Variants in TMEM114 observed in about 807,000 individuals in gnomAD.
The protein encoded by TMEM114 is transmembrane protein 114.
Under a neutral mutation model 6.2 loss-of-function variants are expected in TMEM114, and 6 were observed. The ratio of observed to expected loss-of-function variants is 0.97; its 90% CI spans 0.53 to 1.91. The LOEUF is 1.91. Ranked by LOEUF, TMEM114 falls within the 40% of genes most tolerant of loss-of-function variation. The probability of loss-of-function intolerance (pLI) is 0.01; values close to 1 mark genes in which losing one functional copy is unlikely to be tolerated. For synonymous variants in TMEM114, 104 were observed against 73.0 expected (o/e 1.42, Z -2.16); for missense variants, 218 against 158.3 (o/e 1.38, Z -2.02).
At chr16:8,537,322 G>A (rs925696011), downstream of TMEM114, among the ~76,000 whole-genome samples, 3 of 152,070 alleles carry the variant, frequency 2.0e-5, no homozygotes, top group South Asian at 2.1e-4. Flanking sequence ...CCAACATCAT[G>A]AAACCCCGTC....
intron 2 of TMEM114, among the ~76,000 whole-genome samples, chr16:8,561,430 A>G (rs1050651097): frequency 6.6e-6 from 1 of 152,196 alleles, no homozygotes; most frequent in Admixed American, 6.5e-5. Context: ...AGCCATGTTT[A>G]CTGTCTGTCA....
intron 2 of TMEM114, among the ~76,000 whole-genome samples, chr16:8,586,432 G>T (rs1220415138): frequency 2.0e-5 from 3 of 152,122 alleles, no homozygotes; most frequent in Non-Finnish European, 4.4e-5. Flanking sequence ...GATCACAGAA[G>T]GCCTCTGTTT....
intron 2 of TMEM114, among the ~76,000 whole-genome samples, chr16:8,555,970 G>C (rs1175059176): frequency 6.6e-6 from 1 of 152,210 alleles, no homozygotes; most frequent in African/African-American, 2.4e-5. Context: ...CACAGTGTCT[G>C]AAGCGCTGTC....
chr16:8,583,219 G>A (rs1902212659), intron 2 of TMEM114, among the ~76,000 whole-genome samples: 1 of 152,206 alleles, frequency 6.6e-6, no homozygotes, highest in Non-Finnish European at 1.5e-5. Flanking sequence ...CCAGTACTGG[G>A]GATGAAATCA....
chr16:8,586,292 C>T (rs1267431317), intron 2 of TMEM114, among the ~76,000 whole-genome samples: 1 of 152,176 alleles, frequency 6.6e-6, no homozygotes, highest in Non-Finnish European at 1.5e-5. Flanking sequence ...TGGTCCTAGG[C>T]AAGGTCCGTT....
intron 2 of TMEM114, among the ~76,000 whole-genome samples, chr16:8,541,326 A>G (rs1400903262): frequency 1.3e-5 from 2 of 152,192 alleles, no homozygotes; most frequent in Admixed American, 6.5e-5. Context: ...TGTCATACAA[A>G]TGAGGACAGT....
intron 2 of TMEM114, among the ~76,000 whole-genome samples, chr16:8,541,587 A>G: frequency 6.6e-6 from 1 of 152,184 alleles, no homozygotes; most frequent in South Asian, 2.1e-4. Flanking sequence ...CCAGTCCCAC[A>G]TCTTCAATAT....
intron 3 of TMEM114, among the ~76,000 whole-genome samples, chr16:8,570,818 A>C (rs1901710384): frequency 6.6e-6 from 1 of 152,076 alleles, no homozygotes; most frequent in African/African-American, 2.4e-5. Context: ...TGGCTATTTA[A>C]ATTTAAGTTA....
At chr16:8,548,416 T>C (rs1291180233) in intron 2 of TMEM114, among the ~76,000 whole-genome samples, 1 of 152,232 alleles carries the variant, frequency 6.6e-6, no homozygotes, top group African/African-American at 2.4e-5. Context: ...ATACTAGCCA[T>C]GTACAGCATG....
rs1417955610 is a variant in TMEM114, at chr16:8,561,941, T to C, written n.213-24115A>G. Among the ~76,000 whole-genome samples the C allele has an allele frequency of 6.6e-5, 10 of 151,746 alleles. No homozygotes were observed. In the East Asian group the frequency reaches 1.4e-3, roughly 21 times the overall value. ...GTAAGTGAATGAGTGAGTGAGTAAG[T>C]GAATGAGTGAATGAGGGAGGGAGGG... On this transcript the variant is annotated intron_variant and non_coding_transcript_variant, in intron 2 of 2. Coordinates refer to the TMEM114 transcript ENST00000623677.
At chr16:8,541,100 A>T (rs1458666202) in intron 2 of TMEM114, among the ~76,000 whole-genome samples, 2 of 152,234 alleles carry the variant, frequency 1.3e-5, no homozygotes, top group African/African-American at 4.8e-5. Context: ...GACCACAAAT[A>T]GAGTGGCAGC....
chr16:8,560,636 A>G (rs920783136), intron 2 of TMEM114, among the ~76,000 whole-genome samples: 1 of 152,096 alleles, frequency 6.6e-6, no homozygotes, highest in Non-Finnish European at 1.5e-5. Flanking sequence ...GGTTTCTCTC[A>G]CTATCAGCCT....
chr16:8,564,519 G>C (rs1176392786), downstream of TMEM114, among the ~76,000 whole-genome samples: 1 of 131,944 alleles, frequency 7.6e-6, no homozygotes, highest in East Asian at 2.3e-4. Flanking sequence ...ATGAGTGAGT[G>C]ACGGAGGGAG....
At chr16:8,528,785 G>C in the TMEM114 span, among the ~76,000 whole-genome samples, 1 of 152,208 alleles carries the variant, frequency 6.6e-6, no homozygotes, top group African/African-American at 2.4e-5. Context: ...TGAGCTCTTT[G>C]CCTTCTGGCC....
In TMEM114 at chr16:8,563,691, G is replaced by A. The variant is rs557825583; in HGVS notation, n.212+25522C>T. On this transcript the variant is annotated intron_variant and non_coding_transcript_variant, in intron 2 of 2. Transcript: ENST00000623677. ...TAAGTAAGTGAATGAGTAAGTGAAT[G>A]AGTGAGTTAGTGAATGAGTGAGTGA... 2.4e-3 allele frequency among the ~76,000 whole-genome samples: 357 copies of A among 150,876 alleles called. 17 individuals are homozygous for A. The highest frequency in any genetic ancestry group is 8.7e-3 in the African/African-American group (349 of 40,190).
chr16:8,547,897 T>C (rs910877196), intron 2 of TMEM114, among the ~76,000 whole-genome samples: 1 of 152,134 alleles, frequency 6.6e-6, no homozygotes, highest in Non-Finnish European at 1.5e-5. Flanking sequence ...GGGAGGCCCA[T>C]CATTCCTTTG....
chr16:8,530,973 G>A, the TMEM114 span, among the ~76,000 whole-genome samples: 7 of 151,972 alleles, frequency 4.6e-5, 1 homozygote, highest in South Asian at 4.2e-4. Context: ...GCAGTGAGCC[G>A]AGACCATGCC....
chr16:8,546,517 A>G (rs1428640638), intron 2 of TMEM114, among the ~76,000 whole-genome samples: 1 of 152,214 alleles, frequency 6.6e-6, no homozygotes, highest in Non-Finnish European at 1.5e-5. Context: ...TGTTCTCTGT[A>G]AGTCAGACTT....
chr16:8,557,396 G>C lies in TMEM114; in HGVS notation n.213-19570C>G, dbSNP rs148783642. Among the ~76,000 whole-genome samples the C allele has an allele frequency of 3.2e-3, 480 of 152,258 alleles. 1 individual carries two copies. Among genetic ancestry groups the C allele is most frequent in the African/African-American group, 0.011 (443 of 41,538 alleles). On this transcript the variant is annotated intron_variant and non_coding_transcript_variant, in intron 2 of 2. Coordinates refer to the TMEM114 transcript ENST00000623677. ...GGAGAGCCATATGGAAAGGCCCCGA[G>C]ATGATGTAAAGAGAGAAGTGCTCAG...
Sources: allele counts gnomAD v4.1 joint callset (sites outside exome capture counted in the v4.1 genomes callset), GRCh38; gene constraint gnomAD v4.1.1; transcripts MANE v1.5; gene names NCBI Gene and HGNC (gene_info 2026-07-23, HGNC 2026-07-21).